CHN2: variants seen among roughly 807,000 people sequenced by gnomAD.
CHN2 encodes the protein chimerin 2.
A neutral mutation model predicts 56.3 loss-of-function variants in CHN2; 35 were observed. That is an observed-to-expected ratio of 0.62 (90% confidence interval 0.47 to 0.82). CHN2 has a LOEUF of 0.82. CHN2 is among the 40% of genes least tolerant of loss of function. The pLI is 0.00. For missense variants in CHN2, 491 were observed against 580.5 expected (o/e 0.85, Z 1.58); for synonymous variants, 210 against 212.8 (o/e 0.99, Z 0.12).
chr7:29,341,423 G>A (rs941771624), intron 1 of CHN2, among the ~76,000 whole-genome samples: 11 of 152,268 alleles, frequency 7.2e-5, no homozygotes, highest in African/African-American at 2.2e-4. Context: ...AGAAATGACT[G>A]TGCTAGATCA....
chr7:29,211,597 G>A (rs972820148), intron 1 of CHN2, among the ~76,000 whole-genome samples: 4 of 151,960 alleles, frequency 2.6e-5, no homozygotes, highest in African/African-American at 9.7e-5. Flanking sequence ...AACTATCAGG[G>A]CCCACAAGTT....
chr7:29,321,814 C>G (rs1795385239), intron 1 of CHN2, among the ~76,000 whole-genome samples: 1 of 152,118 alleles, frequency 6.6e-6, no homozygotes, highest in South Asian at 2.1e-4. Context: ...ATGTGATCTG[C>G]CCGCCTCAGC....
intron 3 of CHN2, among the ~76,000 whole-genome samples, chr7:29,369,014 C>T (rs1022167527): frequency 3.3e-5 from 5 of 151,960 alleles, no homozygotes; most frequent in Admixed American, 6.6e-5. Context: ...ACTAACTCTG[C>T]GGTCAATATA....
chr7:29,176,146 A>G (rs1394792527), intron 2 of CHN2, among the ~76,000 whole-genome samples: 2 of 152,024 alleles, frequency 1.3e-5, no homozygotes, highest in Non-Finnish European at 2.9e-5. Flanking sequence ...AGATCGCGCC[A>G]CTGCACTCCA....
At chr7:29,416,453 G>C (rs941198120) in intron 6 of CHN2, among the ~76,000 whole-genome samples, 1 of 152,194 alleles carries the variant, frequency 6.6e-6, no homozygotes, top group Non-Finnish European at 1.5e-5. Flanking sequence ...GGGTGAAAAA[G>C]GGCAGCAGTG....
intron 1 of CHN2, among the ~76,000 whole-genome samples, chr7:29,218,610 A>G (rs966414784): frequency 5.9e-5 from 9 of 152,140 alleles, no homozygotes. Flanking sequence ...ACACCATGGA[A>G]TACTATGCAG....
At chr7:29,411,501 A>ATATC (rs1803213379) in intron 6 of CHN2, among the ~76,000 whole-genome samples, 1 of 152,102 alleles carries the variant, frequency 6.6e-6, no homozygotes, top group African/African-American at 2.4e-5. Context: ...TGGTGGAGTC[A>ATATC]TATCTGCCCA....
intron 7 of CHN2, among the ~76,000 whole-genome samples, chr7:29,494,950 T>TAAAAAAAA (rs5883217): frequency 0.016 from 1,062 of 64,586 alleles, 42 homozygotes; most frequent in Non-Finnish European, 0.021. Context: ...AAGCAGTTTG[T>TAAAAAAAA]AAAAAAAAAA....
intron 2 of CHN2, chr7:29,186,669 G>C (rs1798756576): frequency 6.6e-6 from 1 of 152,014 alleles, no homozygotes; most frequent in African/African-American, 2.4e-5. Context: ...AAAAACATGA[G>C]TATTCAAGCA....
chr7:29,175,606 C>T lies in CHN2; in HGVS notation c.274+28646C>T, dbSNP rs1446302319. Among the ~76,000 whole-genome samples the T allele has an allele frequency of 2.0e-5, 3 of 152,252 alleles. No individual in the cohort carries two copies. In the East Asian group the frequency reaches 5.8e-4, roughly 29 times the overall value. ...CCTCCCCAGCCGTATGGAACTGAGTCAATTTTTCCTCTTATCTTTGTAGAT... is the reference window on the plus strand; with the variant it reads ...CCTCCCCAGCCGTATGGAACTGAGTTAATTTTTCCTCTTATCTTTGTAGAT... On this transcript the variant is annotated intron_variant, in intron 2 of 6. Coordinates refer to the CHN2 transcript ENST00000439384.
At chr7:29,198,001 T>A in intron 1 of CHN2, 1 of 456,320 alleles carries the variant, frequency 2.2e-6, no homozygotes. Flanking sequence ...CATGGCATTA[T>A]TTTGACTTTC....
chr7:29,499,777 T>A (rs1412843705), intron 8 of CHN2, 90 bp from the exon 9 acceptor site: 2 of 1,198,004 alleles, frequency 1.7e-6, no homozygotes, highest in Admixed American at 5.2e-5. Flanking sequence ...AACCCTTGGG[T>A]GGTGATATTT....
intron 1 of CHN2, among the ~76,000 whole-genome samples, chr7:29,197,733 T>C (rs1783852842): frequency 6.6e-6 from 1 of 152,120 alleles, no homozygotes; most frequent in African/African-American, 2.4e-5. Flanking sequence ...GAAAGATGAG[T>C]CAAGATCCTT....
chr7:29,190,744 C>T (rs1259135201), upstream of CHN2, among the ~76,000 whole-genome samples: 1 of 152,166 alleles, frequency 6.6e-6, no homozygotes, highest in Non-Finnish European at 1.5e-5. Context: ...TACTCATTGT[C>T]TTGTAGCTCA....
intron 2 of CHN2, among the ~76,000 whole-genome samples, chr7:29,183,467 C>G (rs889487003): frequency 6.6e-6 from 1 of 151,624 alleles, no homozygotes; most frequent in African/African-American, 2.4e-5. Context: ...ACTTTTGTCT[C>G]TTGGGTTCAA....
chr7:29,215,341 C>G (rs1279526502), intron 1 of CHN2, among the ~76,000 whole-genome samples: 1 of 152,078 alleles, frequency 6.6e-6, no homozygotes, highest in Non-Finnish European at 1.5e-5. Flanking sequence ...GTCCATTTTT[C>G]CCAGAGTATG....
chr7:29,510,853 CA>C (rs1169950489), intron 12 of CHN2, among the ~76,000 whole-genome samples: 1 of 152,172 alleles, frequency 6.6e-6, no homozygotes, highest in Admixed American at 6.5e-5. Flanking sequence ...GCCACACACA[CA>C]GCTGTCTGCG....
At chr7:29,415,486 A>T (rs1343114149) in intron 6 of CHN2, among the ~76,000 whole-genome samples, 1 of 150,522 alleles carries the variant, frequency 6.6e-6, no homozygotes, top group Non-Finnish European at 1.5e-5. Context: ...AAGAGCCCGA[A>T]TGGAGTCCTA....
intron 1 of CHN2, among the ~76,000 whole-genome samples, chr7:29,222,861 C>G (rs1191778785): frequency 6.6e-6 from 1 of 151,898 alleles, no homozygotes; most frequent in Admixed American, 6.6e-5. Context: ...TATAAAGCTG[C>G]AATAATTAAG....
Sources: gnomAD v4.1 joint callset for allele counts (sites outside exome capture counted in the v4.1 genomes callset) on GRCh38, gnomAD v4.1.1 for gene constraint, MANE v1.5 for transcripts, NCBI Gene and HGNC (gene_info 2026-07-23, HGNC 2026-07-21) for gene names.